KCNH8: variants seen among roughly 807,000 people sequenced by gnomAD.
KCNH8 encodes potassium voltage-gated channel subfamily H member 8.
KCNH8 carries 70 observed loss-of-function variants against 103.6 expected under a neutral mutation model. That is an observed-to-expected ratio of 0.68 (90% CI 0.56 to 0.82). The LOEUF is 0.82. KCNH8 is among the 40% of genes least tolerant of loss of function. The pLI is 0.00. For missense variants in KCNH8, 1,217 were observed against 1,329.9 expected (o/e 0.92, Z 1.32); for synonymous variants, 498 against 489.4 (o/e 1.02, Z -0.23).
chr3:19,148,869 C>A, intron 1 of KCNH8, 74 bp downstream of exon 1: 1 of 1,298,038 alleles, frequency 7.7e-7, no homozygotes, highest in Non-Finnish European at 1.1e-6. Flanking sequence ...ACTTTTGCTC[C>A]CACCTTCCCT....
chr3:19,148,823 T>C lies in KCNH8; in HGVS notation c.76+28T>C, dbSNP rs766989600. The C allele has an allele frequency of 1.1e-5, 17 of 1,590,462 alleles. No individual in the cohort carries two copies. In the South Asian group the frequency reaches 1.3e-4, roughly 12 times the overall value. On this transcript the variant is annotated intron_variant, in intron 1 of 15. Coordinates refer to ENST00000328405, the MANE Select transcript of KCNH8 (RefSeq NM_144633.3). ...AAGTCTTACACTTGAACGAGTGGTA[T>C]GGCATTTTCTGAGACTGATTTTTCT...
chr3:19,308,404 A>G (rs2065157605), intron 3 of KCNH8, among the ~76,000 whole-genome samples: 1 of 151,758 alleles, frequency 6.6e-6, no homozygotes, highest in South Asian at 2.1e-4. Context: ...AGCCCTGAGT[A>G]GTTATATTTC....
At chr3:19,448,113 A>G (rs1363028604) in intron 8 of KCNH8, among the ~76,000 whole-genome samples, 2 of 152,020 alleles carry the variant, frequency 1.3e-5, no homozygotes, top group Non-Finnish European at 2.9e-5. Context: ...GGAAAATTAC[A>G]TAAACTGAGC....
At chr3:19,260,736 T>G (rs978085931) in intron 2 of KCNH8, among the ~76,000 whole-genome samples, 3 of 148,458 alleles carry the variant, frequency 2.0e-5, no homozygotes, top group African/African-American at 7.3e-5. Flanking sequence ...TTTTGTATCC[T>G]TTGAACTGCA....
At chr3:19,237,460 C>A (rs936385502) in intron 1 of KCNH8, among the ~76,000 whole-genome samples, 1 of 152,204 alleles carries the variant, frequency 6.6e-6, no homozygotes, top group Non-Finnish European at 1.5e-5. Context: ...AAAAGCTGTG[C>A]TGGTTTATAA....
At chr3:19,334,178 G>A (rs748657262) in intron 3 of KCNH8, among the ~76,000 whole-genome samples, 34 of 152,248 alleles carry the variant, frequency 2.2e-4, no homozygotes, top group African/African-American at 7.5e-4. Flanking sequence ...TTCACCTGAG[G>A]GAAATTCATA....
intron 2 of KCNH8, among the ~76,000 whole-genome samples, chr3:19,271,884 T>G (rs1211001633): frequency 6.6e-6 from 1 of 152,160 alleles, no homozygotes; most frequent in Non-Finnish European, 1.5e-5. Context: ...AAGATACAGT[T>G]TTGTATTTAG....
At chr3:19,340,608 A>G (rs989481096) in intron 3 of KCNH8, among the ~76,000 whole-genome samples, 2 of 152,176 alleles carry the variant, frequency 1.3e-5, no homozygotes, top group Non-Finnish European at 2.9e-5. Context: ...AGAAAATAAT[A>G]TAGCTAGATC....
chr3:19,485,036 G>T (rs562710138), intron 11 of KCNH8, among the ~76,000 whole-genome samples: 2 of 152,158 alleles, frequency 1.3e-5, no homozygotes, highest in African/African-American at 4.8e-5. Flanking sequence ...AACTATTTTT[G>T]ATAGTCCGAT....
chr3:19,382,716 A>AC (rs1249011228), intron 5 of KCNH8, among the ~76,000 whole-genome samples: 1 of 152,114 alleles, frequency 6.6e-6, no homozygotes, highest in Non-Finnish European at 1.5e-5. Flanking sequence ...GTGATCCACA[A>AC]CCTAGGGAGT....
intron 8 of KCNH8, among the ~76,000 whole-genome samples, chr3:19,444,306 G>T (rs553015981): frequency 6.6e-6 from 1 of 152,054 alleles, no homozygotes; most frequent in African/African-American, 2.4e-5. Context: ...ATATCTACCT[G>T]TTGGAAGACA....
At position 19,442,813 on chromosome 3, in the gene KCNH8, CCTAATTAA is replaced by C. The variant is rs1036033623; in HGVS notation, c.1375+4461_1375+4468del. ...AAATGATGCCTGCATTTTAATATTT[CCTAATTAA>C]CTAATTAATTGTAAAATGTTGAGAA... is the stretch of plus-strand genomic sequence containing the variant. On this transcript the variant is annotated intron_variant, in intron 8 of 15. Transcript: ENST00000328405. Among the ~76,000 whole-genome samples, 3 of 152,130 alleles carry C rather than the reference CCTAATTAA, an allele frequency of 2.0e-5. No homozygotes were observed. The South Asian group carries it at 6.2e-4, about 32-fold the overall frequency.
At chr3:19,359,523 T>C (rs1051308625) in intron 5 of KCNH8, among the ~76,000 whole-genome samples, 2 of 151,984 alleles carry the variant, frequency 1.3e-5, no homozygotes, top group Non-Finnish European at 1.5e-5. Flanking sequence ...ATCGTTTAAG[T>C]AGAATTCCTC....
At position 19,512,955 on chromosome 3, in the gene KCNH8, T is replaced by C; in HGVS notation, c.2080-15T>C. The C allele has an allele frequency of 6.2e-7, 1 of 1,607,086 alleles. No individual in the cohort carries two copies. Reference sequence around the variant, plus strand: ...TTTTGCAGTCTGTACTAATTTATATTATCCACTGATTTAGTCAGAGCCCAA... The same window carrying C: ...TTTTGCAGTCTGTACTAATTTATATCATCCACTGATTTAGTCAGAGCCCAA... On this transcript the variant is annotated splice_polypyrimidine_tract_variant and intron_variant, in intron 12 of 15. Transcript: ENST00000328405.
At chr3:19,336,215 T>C (rs1376111648) in intron 3 of KCNH8, among the ~76,000 whole-genome samples, 2 of 151,876 alleles carry the variant, frequency 1.3e-5, no homozygotes, top group East Asian at 1.9e-4. Context: ...ATTACATCCA[T>C]TGAGTTTGGA....
chr3:19,411,776 G>GACACACACACAC (rs148081857), intron 7 of KCNH8, among the ~76,000 whole-genome samples: 1 of 146,192 alleles, frequency 6.8e-6, no homozygotes, highest in Non-Finnish European at 1.5e-5. Context: ...CACACACACA[G>GACACACACACAC]ACACACACAC....
chr3:19,250,203 T>C (rs1183473392), intron 1 of KCNH8, among the ~76,000 whole-genome samples: 1 of 152,038 alleles, frequency 6.6e-6, no homozygotes, highest in African/African-American at 2.4e-5. Context: ...AAGTTGAGGC[T>C]GCAGCGAGCT....
intron 1 of KCNH8, among the ~76,000 whole-genome samples, chr3:19,164,643 G>T (rs1466536173): frequency 6.6e-6 from 1 of 152,188 alleles, no homozygotes. Context: ...TTAAATTTAT[G>T]ATTAAGAACT....
At chr3:19,154,126 G>A (rs1575399329) in intron 1 of KCNH8, among the ~76,000 whole-genome samples, 2 of 152,168 alleles carry the variant, frequency 1.3e-5, no homozygotes, top group East Asian at 3.9e-4. Flanking sequence ...ATTTGGGTGA[G>A]GGAGGAATAG....
Sources: allele counts gnomAD v4.1 joint callset (sites outside exome capture counted in the v4.1 genomes callset), GRCh38; gene constraint gnomAD v4.1.1; transcripts MANE v1.5; gene names NCBI Gene and HGNC (gene_info 2026-07-23, HGNC 2026-07-21).